The following FOXN3 variants were observed in gnomAD, a reference collection of about 807,000 sequenced individuals.
The protein encoded by FOXN3 is forkhead box protein N3.
Under a neutral mutation model 38.4 loss-of-function variants are expected in FOXN3, and 7 were observed. The observed-to-expected ratio is 0.18, with a 90% CI of 0.10 to 0.34. The LOEUF (loss-of-function observed/expected upper bound fraction) is 0.34. Among genes scored for constraint, FOXN3 ranks in the 10% least tolerant of loss-of-function variants. The pLI, the probability that FOXN3 is intolerant of heterozygous loss-of-function variation, is 1.00. For missense variants in FOXN3, 456 were observed against 613.4 expected, an observed-to-expected ratio of 0.74 and a Z score of 2.71; for synonymous variants, 230 against 242.2, an observed-to-expected ratio of 0.95 and a Z score of 0.47.
intron 2 of FOXN3, among the ~76,000 whole-genome samples, chr14:89,390,482 C>G (rs971467094): frequency 1.4e-5 from 2 of 139,258 alleles, no homozygotes; most frequent in Non-Finnish European, 3.1e-5. Flanking sequence ...TTTCTCTAAG[C>G]TGCTTTTTAA....
At chr14:89,316,372 A>ATTC (rs137854995) in intron 3 of FOXN3, among the ~76,000 whole-genome samples, 1 of 151,546 alleles carries the variant, frequency 6.6e-6, no homozygotes, top group South Asian at 2.1e-4. Flanking sequence ...GCAAACAATG[A>ATTC]TTCTTCTTCT....
At position 89,261,532 on chromosome 14, in the gene FOXN3, G is replaced by A. The variant is rs192482062; in HGVS notation, c.745+19418C>T. On this transcript the variant is annotated intron_variant, in intron 4 of 5. Coordinates refer to ENST00000557258, the MANE Select transcript of FOXN3 (RefSeq NM_005197.4). The stretch of plus-strand genomic sequence containing the variant: ...AGGAGGGCCGGCGGCAGTGACTCAC[G>A]CCTGTAATCCCAGCACTTTGGGAGG... Among the ~76,000 whole-genome samples, 23 of 152,232 alleles carry A rather than the reference G, an allele frequency of 1.5e-4. No individual in the cohort carries two copies. In the East Asian group the frequency reaches 2.3e-3, roughly 15 times the overall value.
intron 1 of FOXN3, among the ~76,000 whole-genome samples, chr14:89,453,182 A>G (rs1000118075): frequency 2.0e-5 from 3 of 148,712 alleles, no homozygotes; most frequent in Non-Finnish European, 4.5e-5. Flanking sequence ...TTGGGAGACA[A>G]GAGGAAAACT....
intron 1 of FOXN3, among the ~76,000 whole-genome samples, chr14:89,433,554 G>A (rs922581141): frequency 5.9e-5 from 9 of 151,698 alleles, no homozygotes; most frequent in East Asian, 5.9e-4. Context: ...CCTATAATCC[G>A]AGCACTTCAG....
chr14:89,350,729 T>A lies in FOXN3; in HGVS notation c.623A>T (p.Tyr208Phe). ...NLIQALKKTP[Y>F]HPHPHVFNTP... ...ATTGAACACGTGTGGGTGTGGGTGA[T>A]AAGGTGTCTTTTTCAAAGCCTGAAT... The change falls in exon 3 of 6, where the codon TAT becomes TTT. Residue 208 changes from tyrosine to phenylalanine, a missense_variant. Tyr to Phe is a conservative substitution (Grantham distance 22). Coordinates refer to ENST00000557258, the MANE Select transcript of FOXN3 (RefSeq NM_005197.4). 6.2e-7 allele frequency: 1 copy of A among 1,604,448 alleles called. No homozygotes were observed. The highest frequency in any genetic ancestry group is 8.5e-7 in the Non-Finnish European group (1 of 1,176,472).
intron 2 of FOXN3, among the ~76,000 whole-genome samples, chr14:89,397,441 T>TAAAAAAA (rs35139656): frequency 8.3e-6 from 1 of 120,660 alleles, no homozygotes; most frequent in Non-Finnish European, 1.8e-5. Flanking sequence ...AAATAAAAGT[T>TAAAAAAA]AAAAAAAAAA....
At chr14:89,457,060 G>A (rs1404429718) in intron 1 of FOXN3, among the ~76,000 whole-genome samples, 3 of 152,188 alleles carry the variant, frequency 2.0e-5, no homozygotes, top group Non-Finnish European at 4.4e-5. Context: ...TGCATGACCT[G>A]TAATCACAAG....
chr14:89,346,540 G>A (rs1206763948), intron 3 of FOXN3, among the ~76,000 whole-genome samples: 1 of 152,180 alleles, frequency 6.6e-6, no homozygotes, highest in African/African-American at 2.4e-5. Context: ...TTATGAGTTT[G>A]GGGAGAAAGA....
chr14:89,502,539 T>C (rs900747572), intron 1 of FOXN3, among the ~76,000 whole-genome samples: 4 of 152,216 alleles, frequency 2.6e-5, no homozygotes, highest in African/African-American at 7.2e-5. Flanking sequence ...TCACCAATTA[T>C]AAACTGCACA....
In FOXN3 at chr14:89,352,512, A is replaced by G. The variant is rs149398050; in HGVS notation, c.544-1704T>C. Reference sequence around the variant, plus strand: ...CAAACCACCAAATCCTGTCAACAGTAGGGGTCTGGCCTGATTCCATCAAAG... The same window carrying G: ...CAAACCACCAAATCCTGTCAACAGTGGGGGTCTGGCCTGATTCCATCAAAG... On this transcript the variant is annotated intron_variant, in intron 2 of 5. Coordinates refer to ENST00000557258, the MANE Select transcript of FOXN3 (RefSeq NM_005197.4). Among the ~76,000 whole-genome samples, 149 of 152,314 alleles carry G rather than the reference A, an allele frequency of 9.8e-4. 1 individual carries two copies. Among genetic ancestry groups the G allele is most frequent in the African/African-American group, 3.4e-3 (140 of 41,574 alleles).
At position 89,393,570 on chromosome 14, in the gene FOXN3, G is replaced by T. The variant is rs960698576; in HGVS notation, c.543+18364C>A. 2.0e-5 allele frequency among the ~76,000 whole-genome samples: 3 copies of T among 152,272 alleles called. No homozygotes were observed. The South Asian group carries it at 6.2e-4, about 32-fold the overall frequency. ...TGTCAATCTCCCATGGCCACATGGC[G>T]GCCAGAAACGGAGCTCCCCCATAAA... On this transcript the variant is annotated intron_variant, in intron 2 of 5. Transcript: ENST00000557258.
At chr14:89,257,105 G>GA (rs2139886835) in intron 4 of FOXN3, among the ~76,000 whole-genome samples, 2 of 152,320 alleles carry the variant, frequency 1.3e-5, no homozygotes, top group Non-Finnish European at 2.9e-5. Flanking sequence ...GTTGCGGTGA[G>GA]AGTCCCCCAG....
intron 1 of FOXN3, among the ~76,000 whole-genome samples, chr14:89,614,264 A>G (rs995452507): frequency 3.9e-5 from 6 of 152,224 alleles, no homozygotes; most frequent in African/African-American, 1.4e-4. Flanking sequence ...TGAGGTGGAA[A>G]TAGAATAAAG....
rs1164724795 is a variant in FOXN3 at position 89,308,397 on chromosome 14, C to T, written c.681-27383G>A. ...CTTCTGGAATTTGTTCGAGATGTCCCGCACCGTTCTGTGCAGATGCACGCA... is the reference window on the plus strand; with the variant it reads ...CTTCTGGAATTTGTTCGAGATGTCCTGCACCGTTCTGTGCAGATGCACGCA... On this transcript the variant is annotated intron_variant, in intron 3 of 5. Transcript: ENST00000557258. Among the ~76,000 whole-genome samples the T allele has an allele frequency of 3.3e-5, 5 of 152,246 alleles. No individual in the cohort carries two copies. The South Asian group carries it at 8.3e-4, about 25-fold the overall frequency.
intron 1 of FOXN3, among the ~76,000 whole-genome samples, chr14:89,614,054 T>A (rs1896447227): frequency 6.6e-6 from 1 of 152,246 alleles, no homozygotes; most frequent in South Asian, 2.1e-4. Flanking sequence ...TTCAGAACAA[T>A]CTCATCATTG....
At chr14:89,475,795 G>T (rs1893198128) in intron 1 of FOXN3, among the ~76,000 whole-genome samples, 1 of 152,128 alleles carries the variant, frequency 6.6e-6, no homozygotes, top group African/African-American at 2.4e-5. Context: ...GGCCCCAGTG[G>T]GATAATGAAG....
At chr14:89,377,960 G>C (rs140716494) in intron 2 of FOXN3, among the ~76,000 whole-genome samples, 1 of 152,136 alleles carries the variant, frequency 6.6e-6, no homozygotes, top group African/African-American at 2.4e-5. Flanking sequence ...TGGGGAAGGC[G>C]GCCGTCTGCA....
chr14:89,610,875 C>A (rs58335623), intron 1 of FOXN3, among the ~76,000 whole-genome samples: 4,525 of 152,264 alleles, frequency 0.03, 204 homozygotes, highest in African/African-American at 0.1. Context: ...CTTGATTGAT[C>A]TTTTAAAATA....
At chr14:89,288,705 T>A (rs1886736729) in intron 3 of FOXN3, among the ~76,000 whole-genome samples, 2 of 101,298 alleles carry the variant, frequency 2.0e-5, no homozygotes, top group Admixed American at 1.1e-4. Context: ...TCTCTCTCTC[T>A]CTCTCTCTCT....
Sources: gnomAD v4.1 joint callset for allele counts (sites outside exome capture counted in the v4.1 genomes callset) on GRCh38, gnomAD v4.1.1 for gene constraint, MANE v1.5 for transcripts, NCBI Gene and HGNC (gene_info 2026-07-23, HGNC 2026-07-21) for gene names.